The following ANLN variants were observed in gnomAD, a reference collection of about 807,000 sequenced individuals.
ANLN encodes the protein anillin.
In ANLN, 59 loss-of-function variants were observed where a neutral mutation model predicts 135.1. The ratio of observed to expected loss-of-function variants is 0.44; its 90% CI spans 0.35 to 0.54. ANLN has a LOEUF of 0.54. ANLN is among the 20% of genes least tolerant of loss of function. The pLI, the probability that ANLN is intolerant of heterozygous loss-of-function variation, is 0.00. For missense variants in ANLN, 1,182 were observed against 1,340.0 expected, an observed-to-expected ratio of 0.88 and a Z score of 1.84; for synonymous variants, 406 against 456.4, an observed-to-expected ratio of 0.89 and a Z score of 1.41.
At chr7:36,448,379 T>C (rs2116829332) in intron 22 of ANLN, among the ~76,000 whole-genome samples, 1 of 152,306 alleles carries the variant, frequency 6.6e-6, no homozygotes, top group East Asian at 1.9e-4. Flanking sequence ...ATAATGAACT[T>C]TCAGCTTAAT....
intron 9 of ANLN, among the ~76,000 whole-genome samples, chr7:36,418,731 ATTTCTT>A (rs941305796): frequency 2.0e-5 from 3 of 149,402 alleles, no homozygotes; most frequent in Non-Finnish European, 4.4e-5. Context: ...CCCAATATTC[ATTTCTT>A]TTTCTTTTTC....
chr7:36,397,657 A>G (rs1562784179), intron 2 of ANLN, among the ~76,000 whole-genome samples: 1 of 152,248 alleles, frequency 6.6e-6, no homozygotes, highest in Non-Finnish European at 1.5e-5. Context: ...TCACGCCTGT[A>G]ATCCCAACAC....
chr7:36,412,691 C>A (rs1244269950), intron 7 of ANLN, among the ~76,000 whole-genome samples: 1 of 152,124 alleles, frequency 6.6e-6, no homozygotes, highest in African/African-American at 2.4e-5. Context: ...AAGTGCTCCT[C>A]ATAGTCATCA....
chr7:36,422,283 TTCTC>T lies in ANLN; in HGVS notation c.2299+312_2299+315del, dbSNP rs10560737. On this transcript the variant is annotated intron_variant, in intron 13 of 23. Transcript: ENST00000265748. Reference sequence around the variant, plus strand: ...CTATATATACACATGTACACATACATTCTCTCTCTCTCTCTCTCTCTCTCCCTTC... The same window carrying T: ...CTATATATACACATGTACACATACATTCTCTCTCTCTCTCTCTCTCCCTTC... 0.34 allele frequency among the ~76,000 whole-genome samples: 51,324 copies of T among 149,982 alleles called. 8,826 individuals are homozygous for T. Among genetic ancestry groups the T allele is most frequent in the East Asian group, 0.45 (2,315 of 5,090 alleles).
At chr7:36,433,033 C>T (rs1239234437) in intron 20 of ANLN, among the ~76,000 whole-genome samples, 3 of 152,132 alleles carry the variant, frequency 2.0e-5, no homozygotes, top group African/African-American at 4.8e-5. Context: ...CCAGGCTGGC[C>T]GTGAACTCCT....
intron 12 of ANLN, among the ~76,000 whole-genome samples, chr7:36,421,350 G>A (rs1181825387): frequency 6.6e-6 from 1 of 151,948 alleles, no homozygotes; most frequent in Non-Finnish European, 1.5e-5. Flanking sequence ...TTACAGGCAT[G>A]AGCCACCATG....
chr7:36,439,080 C>A (rs1583652103), intron 20 of ANLN, 124 bp from the exon 21 acceptor site: 1 of 706,324 alleles, frequency 1.4e-6, no homozygotes, highest in East Asian at 2.6e-5. Flanking sequence ...CTTTTATACT[C>A]CAACTTTAGA....
intron 22 of ANLN, among the ~76,000 whole-genome samples, chr7:36,447,354 G>C (rs1022552432): frequency 2.0e-5 from 3 of 151,532 alleles, no homozygotes; most frequent in African/African-American, 7.3e-5. Context: ...TTGCACTTTG[G>C]GGACCTTATT....
At chr7:36,402,583 T>C (rs1479420947) in intron 3 of ANLN, among the ~76,000 whole-genome samples, 1 of 152,188 alleles carries the variant, frequency 6.6e-6, no homozygotes, top group Non-Finnish European at 1.5e-5. Context: ...AATTCCAATC[T>C]GGACCTGCTC....
At chr7:36,392,877 C>T (rs1411311246) in intron 1 of ANLN, among the ~76,000 whole-genome samples, 1 of 151,960 alleles carries the variant, frequency 6.6e-6, no homozygotes, top group Non-Finnish European at 1.5e-5. Flanking sequence ...TGTACTGACT[C>T]ACAAATGTTC....
chr7:36,422,048 T>C (rs1787898149), intron 13 of ANLN, 56 bp downstream of exon 13: 3 of 1,568,976 alleles, frequency 1.9e-6, no homozygotes, highest in Non-Finnish European at 1.7e-6. Flanking sequence ...GGAAAACTCA[T>C]TTTGATATTT....
chr7:36,392,202 C>T (rs144678613), intron 1 of ANLN, among the ~76,000 whole-genome samples: 7 of 152,310 alleles, frequency 4.6e-5, no homozygotes, highest in African/African-American at 1.7e-4. Context: ...TTTATGTCTG[C>T]AGGCTGCATA....
Position 36,439,186 on chromosome 7 carries a change from T to C in ANLN, c.2884-18T>C. 3 of 1,404,834 alleles carry C rather than the reference T, an allele frequency of 2.1e-6. No homozygotes were observed. The highest frequency in any genetic ancestry group is 3.0e-6 in the Non-Finnish European group (3 of 998,884). 87.0% of individuals were successfully genotyped at this position (1,404,834 alleles called of 1,614,324 possible). The stretch of plus-strand genomic sequence containing the variant: ...CTTTGAACCTGTTTTGCAAATAATT[T>C]ACCTGTTTTCTTTGCAGGTCCCCTT... On this transcript the variant is annotated intron_variant, in intron 20 of 23. Transcript: ENST00000265748.
chr7:36,452,652 A>T lies in ANLN; in HGVS notation c.*52A>T, dbSNP rs768270767. 1 of 1,598,234 alleles carries T rather than the reference A, an allele frequency of 6.3e-7. No homozygotes were observed. The highest frequency in any genetic ancestry group is 1.1e-5 in the South Asian group (1 of 89,894). On this transcript the variant is annotated 3_prime_UTR_variant, in exon 24 of 24. Coordinates refer to ENST00000265748, the MANE Select transcript of ANLN (RefSeq NM_018685.5). ...GGTTTTTGATGTCATCTTAAGAAACACACTTAAGAGCATCAGATTTACTGA... is the reference window on the plus strand; with the variant it reads ...GGTTTTTGATGTCATCTTAAGAAACTCACTTAAGAGCATCAGATTTACTGA...
Position 36,406,237 on chromosome 7 carries a change from T to C in ANLN, c.544T>C (p.Ser182Pro), listed in dbSNP as rs1787180610. The C allele has an allele frequency of 6.2e-7, 1 of 1,613,342 alleles. No homozygotes were observed. Among genetic ancestry groups the C allele is most frequent in the Non-Finnish European group, 8.5e-7 (1 of 1,179,324 alleles). ...SPMPSEEKAA[S>P]PPRPLLSNAS... is the part of the protein sequence containing the mutation. ...AATGCCATCAGAGGAAAAGGCTGCTTCCCCTCCCAGACCTCTGCTTTCAAA... is the reference window on the plus strand; with the variant it reads ...AATGCCATCAGAGGAAAAGGCTGCTCCCCCTCCCAGACCTCTGCTTTCAAA... The change falls in exon 4 of 24, where the codon TCC (serine) becomes CCC (proline). Residue 182 changes from serine to proline, a missense_variant. Physicochemically the swap from Ser to Pro is moderately conservative, Grantham distance 74. Coordinates refer to ENST00000265748, the MANE Select transcript of ANLN (RefSeq NM_018685.5).
At chr7:36,424,801 A>G in intron 17 of ANLN, 59 bp downstream of exon 17, 1 of 1,504,974 alleles carries the variant, frequency 6.6e-7, no homozygotes, top group Middle Eastern at 2.0e-4. Flanking sequence ...ATATCATCAT[A>G]CCAGTTTTAA....
At chr7:36,401,528 G>A (rs1786948089) in intron 3 of ANLN, among the ~76,000 whole-genome samples, 1 of 151,596 alleles carries the variant, frequency 6.6e-6, no homozygotes, top group Non-Finnish European at 1.5e-5. Flanking sequence ...TAGTAGAGAT[G>A]AGGTTTCACC....
rs1562807691 is a variant in ANLN at position 36,426,008 on chromosome 7, T to TG, written c.2749-7_2749-6insG. The TG allele has an allele frequency of 2.0e-6, 3 of 1,524,520 alleles. No homozygotes were observed. In the South Asian group the frequency reaches 3.8e-5, roughly 19 times the overall value. The allele number at this position is 1,524,520 out of a possible 1,614,324, so 94.4% of individuals were successfully genotyped here. On this transcript the variant is annotated splice_region_variant and splice_polypyrimidine_tract_variant and intron_variant, in intron 18 of 23. Coordinates refer to ENST00000265748, the MANE Select transcript of ANLN (RefSeq NM_018685.5). ...TTTCTTCTTCACACCTTTTTTTTTT[T>TG]TTTTAGAAAAGCAACATTCATTCTT...
At chr7:36,416,752 TTC>T (rs1787657689) in intron 8 of ANLN, among the ~76,000 whole-genome samples, 1 of 152,054 alleles carries the variant, frequency 6.6e-6, no homozygotes, top group Non-Finnish European at 1.5e-5. Flanking sequence ...GCTGTCCCAT[TTC>T]TCTCTCGGTG....
Sources: allele counts gnomAD v4.1 joint callset (sites outside exome capture counted in the v4.1 genomes callset), GRCh38; gene constraint gnomAD v4.1.1; transcripts MANE v1.5; gene names NCBI Gene and HGNC (gene_info 2026-07-23, HGNC 2026-07-21).